Variants in SGCZ observed in about 807,000 individuals in gnomAD.
SGCZ encodes zeta-sarcoglycan.
A neutral mutation model predicts 41.3 loss-of-function variants in SGCZ; 40 were observed. That is an observed-to-expected ratio of 0.97 (90% CI 0.75 to 1.26). The LOEUF is 1.26. Among genes scored for constraint, SGCZ ranks in the 50% most tolerant of loss-of-function variants. The probability of loss-of-function intolerance (pLI) is 0.00; values close to 1 mark genes in which losing one functional copy is unlikely to be tolerated. For missense variants in SGCZ, 552 were observed against 369.8 expected (o/e 1.49, Z -4.04); for synonymous variants, 206 against 137.5 (o/e 1.50, Z -3.49).
intron 1 of SGCZ, among the ~76,000 whole-genome samples, chr8:15,131,359 G>A (rs772491204): frequency 2.0e-5 from 3 of 152,102 alleles, no homozygotes; most frequent in South Asian, 2.1e-4. Flanking sequence ...CTTGCCTGCC[G>A]CCATGTGAGA....
At position 14,090,198 on chromosome 8, in the gene SGCZ, CA is replaced by C. The variant is rs1381095024; in HGVS notation, c.*244del. On this transcript the variant is annotated 3_prime_UTR_variant, in exon 8 of 8. Coordinates refer to ENST00000382080, the MANE Select transcript of SGCZ (RefSeq NM_139167.4). ...CACCTATGTTATTCTCCCTTTCGAG[CA>C]AAAGTCATGATCCAGTTTTCCTGCT... The C allele has an allele frequency of 2.9e-6, 1 of 345,746 alleles. No individual in the cohort carries two copies. The highest frequency in any genetic ancestry group is 5.2e-6 in the Non-Finnish European group (1 of 192,220). 21.4% of individuals were successfully genotyped at this position (345,746 alleles called of 1,614,324 possible). A position where few individuals can be genotyped will look rare whatever the true frequency, so the allele number is the denominator to read the frequency against.
intron 2 of SGCZ, among the ~76,000 whole-genome samples, chr8:14,499,429 C>A (rs1213061094): frequency 1.3e-5 from 2 of 151,742 alleles, no homozygotes; most frequent in African/African-American, 4.8e-5. Flanking sequence ...GTTTTCAATT[C>A]TCTGTATTAT....
chr8:14,428,880 T>G (rs559099556), intron 2 of SGCZ, among the ~76,000 whole-genome samples: 187 of 152,362 alleles, frequency 1.2e-3, no homozygotes, highest in African/African-American at 3.8e-3. Context: ...CTAAAATGTT[T>G]ACAAAGCTCA....
rs1044037284 is a variant in SGCZ, at chr8:14,855,240, G to T, written c.40-300314C>A. On this transcript the variant is annotated intron_variant, in intron 1 of 7. Transcript: ENST00000382080. The stretch of plus-strand genomic sequence containing the variant: ...AACTTTCGTATTTTTAGTTGAGACG[G>T]AATTTCACCATGTTGGCCAGGCTGG... Among the ~76,000 whole-genome samples the T allele has an allele frequency of 5.9e-5, 9 of 151,882 alleles. No homozygotes were observed. The East Asian group carries it at 1.7e-3, about 30-fold the overall frequency.
chr8:14,707,702 G>C (rs1809377692), intron 1 of SGCZ, among the ~76,000 whole-genome samples: 1 of 151,966 alleles, frequency 6.6e-6, no homozygotes, highest in African/African-American at 2.4e-5. Context: ...ATTTATTTGA[G>C]AGCAAATAAA....
chr8:14,573,435 G>T (rs1436219853), intron 1 of SGCZ, among the ~76,000 whole-genome samples: 1 of 151,790 alleles, frequency 6.6e-6, no homozygotes, highest in Admixed American at 6.6e-5. Flanking sequence ...TGATCCGCCC[G>T]CCTCGGCCTC....
intron 1 of SGCZ, among the ~76,000 whole-genome samples, chr8:15,065,623 G>C (rs183979443): frequency 2.3e-4 from 35 of 151,844 alleles, no homozygotes; most frequent in African/African-American, 7.7e-4. Flanking sequence ...ATTTTCGGTA[G>C]AGACAGGGTT....
At chr8:14,415,390 C>T (rs9918734) in intron 2 of SGCZ, among the ~76,000 whole-genome samples, 103,704 of 151,772 alleles carry the variant, frequency 0.68, 35,537 homozygotes, top group East Asian at 0.83. Context: ...CAGAAATAAG[C>T]TTGAGCCAAT....
chr8:15,224,935 A>T (rs1227425597), intron 1 of SGCZ, among the ~76,000 whole-genome samples: 1 of 152,218 alleles, frequency 6.6e-6, no homozygotes, highest in African/African-American at 2.4e-5. Context: ...CTTATAACAT[A>T]GTCTCAAATA....
chr8:15,086,696 C>T (rs1805961805), intron 1 of SGCZ, among the ~76,000 whole-genome samples: 2 of 152,006 alleles, frequency 1.3e-5, no homozygotes, highest in African/African-American at 4.8e-5. Context: ...TTAAAAATTA[C>T]ATCCTCCCAA....
intron 5 of SGCZ, among the ~76,000 whole-genome samples, chr8:14,146,804 G>A (rs1264334689): frequency 1.4e-5 from 2 of 142,578 alleles, no homozygotes; most frequent in Non-Finnish European, 3.1e-5. Flanking sequence ...CCCGGGAGGC[G>A]GAGCTTGCAG....
Position 14,765,229 on chromosome 8 carries a change from A to G in SGCZ, c.40-210303T>C, listed in dbSNP as rs187616298. 5.8e-4 allele frequency among the ~76,000 whole-genome samples: 89 copies of G among 152,304 alleles called. 3 individuals carry two copies. Among genetic ancestry groups the G allele is most frequent in the African/African-American group, 2.0e-3 (83 of 41,566 alleles). On this transcript the variant is annotated intron_variant, in intron 1 of 7. Transcript: ENST00000382080. ...CCCTCTCCAGTTATTTAATGGAGCA[A>G]TAACCATCCTAGACTCATAAAAGAA...
At chr8:14,863,165 C>G (rs185783984) in intron 1 of SGCZ, among the ~76,000 whole-genome samples, 2 of 152,176 alleles carry the variant, frequency 1.3e-5, no homozygotes, top group Admixed American at 6.5e-5. Flanking sequence ...TCCAGCCTGG[C>G]CTTATACCAA....
chr8:14,860,710 G>A (rs199961908), intron 1 of SGCZ, among the ~76,000 whole-genome samples: 6 of 51,420 alleles, frequency 1.2e-4, no homozygotes, highest in South Asian at 5.9e-4. Context: ...GAAAGAAAGA[G>A]AAAGAAAGAA....
At chr8:15,002,089 A>T (rs1802446567) in intron 1 of SGCZ, among the ~76,000 whole-genome samples, 1 of 152,164 alleles carries the variant, frequency 6.6e-6, no homozygotes. Context: ...TGGCAGTCAA[A>T]TGTGCTTTAA....
intron 1 of SGCZ, among the ~76,000 whole-genome samples, chr8:14,791,756 T>C (rs531969286): frequency 2.6e-5 from 4 of 152,316 alleles, no homozygotes; most frequent in African/African-American, 7.2e-5. Context: ...GTAATCCCCA[T>C]GAAGCAAGAG....
chr8:14,754,100 G>C (rs1221917287), intron 1 of SGCZ, among the ~76,000 whole-genome samples: 1 of 152,140 alleles, frequency 6.6e-6, no homozygotes, highest in Admixed American at 6.5e-5. Context: ...TGGAGCTAAA[G>C]TCCAGACAAA....
At chr8:14,258,023 AAG>A (rs1294529041) in intron 3 of SGCZ, among the ~76,000 whole-genome samples, 1 of 152,188 alleles carries the variant, frequency 6.6e-6, no homozygotes, top group Non-Finnish European at 1.5e-5. Flanking sequence ...TTTGTTGAAT[AAG>A]AACCTTGCGT....
At chr8:14,721,902 T>C (rs1809898691) in intron 1 of SGCZ, among the ~76,000 whole-genome samples, 1 of 152,150 alleles carries the variant, frequency 6.6e-6, no homozygotes, top group Non-Finnish European at 1.5e-5. Context: ...GTCCTCTATG[T>C]CCTGTTCCTT....
Sources: allele counts gnomAD v4.1 joint callset (sites outside exome capture counted in the v4.1 genomes callset), GRCh38; gene constraint gnomAD v4.1.1; transcripts MANE v1.5; gene names NCBI Gene and HGNC (gene_info 2026-07-23, HGNC 2026-07-21).